SOX6: variants seen among roughly 807,000 people sequenced by gnomAD.
The protein encoded by SOX6 is transcription factor SOX-6.
In SOX6, 11 loss-of-function variants were observed where a neutral mutation model predicts 97.8. The observed-to-expected ratio is 0.11, with a 90% confidence interval of 0.07 to 0.19. The LOEUF is 0.19. Among genes scored for constraint, SOX6 ranks in the 10% least tolerant of loss-of-function variants. SOX6 has a pLI of 1.00. For missense variants in SOX6, 810 were observed against 1,039.5 expected (o/e 0.78, Z 3.04); for synonymous variants, 360 against 371.4 (o/e 0.97, Z 0.35).
chr11:16,023,987 CT>C (rs1481499384), intron 12 of SOX6, among the ~76,000 whole-genome samples: 1 of 152,096 alleles, frequency 6.6e-6, no homozygotes, highest in African/African-American at 2.4e-5. Context: ...ATAGGTACCC[CT>C]AGTACCTCAG....
At chr11:16,144,483 A>G (rs1187616399) in intron 6 of SOX6, among the ~76,000 whole-genome samples, 1 of 152,200 alleles carries the variant, frequency 6.6e-6, no homozygotes, top group Non-Finnish European at 1.5e-5. Flanking sequence ...AGCAGAAGGC[A>G]AGAAATAACT....
intron 12 of SOX6, among the ~76,000 whole-genome samples, chr11:16,025,296 A>G (rs1003145785): frequency 1.3e-5 from 2 of 152,180 alleles, no homozygotes; most frequent in African/African-American, 4.8e-5. Flanking sequence ...GTTCCTGAAT[A>G]TTCTCTGATT....
intron 3 of SOX6, among the ~76,000 whole-genome samples, chr11:16,616,405 T>C (rs749249776): frequency 6.6e-6 from 1 of 152,128 alleles, no homozygotes; most frequent in Admixed American, 6.5e-5. Flanking sequence ...TCTCTAATTT[T>C]AAAATTTGTT....
intron 1 of SOX6, among the ~76,000 whole-genome samples, chr11:16,454,553 C>T (rs1859780133): frequency 6.6e-6 from 1 of 151,848 alleles, no homozygotes; most frequent in Admixed American, 6.6e-5. Flanking sequence ...TGCTGAGTAC[C>T]CGATTTTTCT....
chr11:16,037,266 T>A (rs1053657877), intron 12 of SOX6, among the ~76,000 whole-genome samples: 1 of 152,196 alleles, frequency 6.6e-6, no homozygotes, highest in African/African-American at 2.4e-5. Flanking sequence ...TGATTTAATT[T>A]GGAGGTTGGG....
chr11:16,229,357 A>G (rs1299044979), intron 4 of SOX6, among the ~76,000 whole-genome samples: 1 of 152,084 alleles, frequency 6.6e-6, no homozygotes, highest in Admixed American at 6.6e-5. Flanking sequence ...TGAAGTATTC[A>G]AGTTAAAAGA....
intron 3 of SOX6, among the ~76,000 whole-genome samples, chr11:16,253,209 C>T (rs1853570432): frequency 6.6e-6 from 1 of 151,864 alleles, no homozygotes; most frequent in African/African-American, 2.4e-5. Flanking sequence ...ATTAGCCGGG[C>T]ATGGTGGTGC....
At chr11:16,731,014 C>T (rs1465036421) in intron 2 of SOX6, among the ~76,000 whole-genome samples, 3 of 152,122 alleles carry the variant, frequency 2.0e-5, no homozygotes, top group South Asian at 2.1e-4. Flanking sequence ...TGGATAAATT[C>T]CTGGACAGCT....
intron 4 of SOX6, among the ~76,000 whole-genome samples, chr11:16,511,398 A>G (rs1445395388): frequency 6.6e-6 from 1 of 152,162 alleles, no homozygotes; most frequent in Non-Finnish European, 1.5e-5. Context: ...GGAGGATTAA[A>G]CCAATTTTTT....
intron 4 of SOX6, among the ~76,000 whole-genome samples, chr11:16,531,233 A>G (rs1861231753): frequency 6.6e-6 from 1 of 151,306 alleles, no homozygotes; most frequent in Non-Finnish European, 1.5e-5. Context: ...AACAAATCCC[A>G]GTTAAATCTG....
chr11:16,681,155 C>T (rs1244266721), intron 3 of SOX6, among the ~76,000 whole-genome samples: 2 of 152,186 alleles, frequency 1.3e-5, no homozygotes, highest in Non-Finnish European at 2.9e-5. Flanking sequence ...ACAGAATATA[C>T]ATTCTTCTCA....
intron 4 of SOX6, among the ~76,000 whole-genome samples, chr11:16,533,568 G>A (rs563844756): frequency 6.6e-6 from 1 of 152,088 alleles, no homozygotes; most frequent in African/African-American, 2.4e-5. Context: ...GATGCTTAAA[G>A]TGATAAAAGT....
intron 1 of SOX6, among the ~76,000 whole-genome samples, chr11:16,448,568 C>G (rs1463556656): frequency 1.3e-5 from 2 of 152,136 alleles, no homozygotes; most frequent in African/African-American, 2.4e-5. Context: ...CCTACTTACA[C>G]TTTCATATGA....
intron 4 of SOX6, among the ~76,000 whole-genome samples, chr11:16,596,270 A>G (rs1024995530): frequency 4.6e-5 from 7 of 152,248 alleles, no homozygotes; most frequent in Non-Finnish European, 8.8e-5. Context: ...ACATATTTGA[A>G]GGAAAGTAAT....
chr11:16,026,456 G>A (rs746614068), intron 12 of SOX6, among the ~76,000 whole-genome samples: 1 of 152,288 alleles, frequency 6.6e-6, no homozygotes, highest in South Asian at 2.1e-4. Flanking sequence ...GGGAAAATCA[G>A]AGGGAACACA....
intron 3 of SOX6, among the ~76,000 whole-genome samples, chr11:16,656,462 T>C (rs1215316936): frequency 6.6e-6 from 1 of 152,200 alleles, no homozygotes; most frequent in Admixed American, 6.5e-5. Flanking sequence ...AACAGTATTT[T>C]AGCTTAACTC....
At chr11:16,220,251 A>T (rs1040584279) in intron 4 of SOX6, among the ~76,000 whole-genome samples, 6 of 152,038 alleles carry the variant, frequency 3.9e-5, no homozygotes, top group African/African-American at 1.4e-4. Flanking sequence ...TTTAGCTACC[A>T]CTATAATAAA....
intron 4 of SOX6, among the ~76,000 whole-genome samples, chr11:16,587,264 G>C (rs1468409944): frequency 6.6e-6 from 1 of 152,190 alleles, no homozygotes; most frequent in East Asian, 1.9e-4. Flanking sequence ...GCCATTTAAT[G>C]GCTATGTAAA....
chr11:16,488,348 T>C (rs943779190), intron 4 of SOX6, among the ~76,000 whole-genome samples: 5 of 152,028 alleles, frequency 3.3e-5, no homozygotes, highest in Non-Finnish European at 7.4e-5. Context: ...AACTATATAA[T>C]CTCACTTTCT....
Sources: allele counts gnomAD v4.1 joint callset (sites outside exome capture counted in the v4.1 genomes callset), GRCh38; gene constraint gnomAD v4.1.1; transcripts MANE v1.5; gene names NCBI Gene and HGNC (gene_info 2026-07-23, HGNC 2026-07-21).